The following ZNF365 variants were observed in gnomAD, a reference collection of about 807,000 sequenced individuals.
The protein encoded by ZNF365 is zinc finger protein 365.
A neutral mutation model predicts 35.0 loss-of-function variants in ZNF365; 22 were observed. The ratio of observed to expected loss-of-function variants is 0.63; its 90% CI spans 0.45 to 0.90. ZNF365 has a LOEUF of 0.90. ZNF365 is among the 40% of genes least tolerant of loss of function. The pLI is 0.00. For missense variants in ZNF365, 448 were observed against 500.3 expected (o/e 0.90, Z 1.00); for synonymous variants, 188 against 196.2 (o/e 0.96, Z 0.35).
chr10:62,477,835 C>T lies in ZNF365; in HGVS notation c.982-2041C>T, dbSNP rs142050453. Among the ~76,000 whole-genome samples the T allele has an allele frequency of 4.6e-4, 70 of 152,302 alleles. No homozygotes were observed. The East Asian group carries it at 7.5e-3, about 16-fold the overall frequency. On this transcript the variant is annotated intron_variant, in intron 4 of 4. Coordinates refer to the ZNF365 transcript ENST00000395255. Reference sequence around the variant, plus strand: ...GCAAACATCACTTTCACCCACATTTCATTGGCCAAGGTACGTCACATGGCT... The same window carrying T: ...GCAAACATCACTTTCACCCACATTTTATTGGCCAAGGTACGTCACATGGCT...
rs554205250 is a variant in ZNF365 at position 62,468,607 on chromosome 10, A to G, written c.981+8810A>G. Among the ~76,000 whole-genome samples, 18 of 152,340 alleles carry G rather than the reference A, an allele frequency of 1.2e-4. No homozygotes were observed. In the South Asian group the frequency reaches 3.7e-3, roughly 32 times the overall value. On this transcript the variant is annotated intron_variant, in intron 4 of 4. Coordinates refer to the ZNF365 transcript ENST00000395255. ...GATGCTTTATGAAAAGTTTATGAGG[A>G]CAATGCCCCCCCAGATTAGCAGTTT...
At chr10:62,394,914 T>G (rs1042119769) in intron 3 of ZNF365, among the ~76,000 whole-genome samples, 7 of 152,004 alleles carry the variant, frequency 4.6e-5, no homozygotes, top group African/African-American at 1.7e-4. Flanking sequence ...CTACACTGCT[T>G]TTGTAGTGCA....
Position 62,388,577 on chromosome 10 carries a change from G to A in ZNF365, c.924+1G>A, listed in dbSNP as rs1310129246. ...TGTCCGTGATCTCAGCGGGCACGTGGTGAGTCACCCCGGGCCAGCCACCGA... is the reference window on the plus strand; with the variant it reads ...TGTCCGTGATCTCAGCGGGCACGTGATGAGTCACCCCGGGCCAGCCACCGA... On this transcript the variant is annotated splice_donor_variant, in intron 3 of 4. Transcript: ENST00000395254. LOFTEE classifies it high-confidence loss of function. 1 of 1,613,460 alleles carries A rather than the reference G, an allele frequency of 6.2e-7. No homozygotes were observed. Among genetic ancestry groups the A allele is most frequent in the Non-Finnish European group, 8.5e-7 (1 of 1,179,996 alleles).
Position 62,388,471 on chromosome 10 carries a change from C to T in ZNF365, c.819C>T (p.Asp273=), listed in dbSNP as rs1564569808. 2 of 1,614,208 alleles carry T rather than the reference C, an allele frequency of 1.2e-6. No homozygotes were observed. The highest frequency in any genetic ancestry group is 8.5e-7 in the Non-Finnish European group (1 of 1,180,040). ...TTCAAGGGAAAGCCCGGCTCCAGGA[C>T]TTTATTGAGAATCTGTTACAGCGGG... ...KEVQGKARLQ[D]FIENLLQRVE... Residue 273 remains aspartate (D), a synonymous_variant, in exon 3 of 5, where the codon GAC becomes GAT. Transcript: ENST00000395254.
At chr10:62,461,908 C>CTTTA (rs1402776904) in intron 4 of ZNF365, among the ~76,000 whole-genome samples, 1 of 152,154 alleles carries the variant, frequency 6.6e-6, no homozygotes, top group Non-Finnish European at 1.5e-5. Context: ...AATATAGAGG[C>CTTTA]TTTATATTAA....
chr10:62,428,064 T>C (rs1004610531), intron 3 of ZNF365, among the ~76,000 whole-genome samples: 11 of 152,276 alleles, frequency 7.2e-5, no homozygotes, highest in African/African-American at 2.6e-4. Flanking sequence ...TGTATCATTT[T>C]TTACCTTGCT....
At chr10:62,415,986 A>G (rs891908803) in intron 3 of ZNF365, among the ~76,000 whole-genome samples, 1 of 152,148 alleles carries the variant, frequency 6.6e-6, no homozygotes. Flanking sequence ...TTCCGTGTTT[A>G]TAGTTTTCTT....
intron 3 of ZNF365, among the ~76,000 whole-genome samples, chr10:62,431,887 A>C (rs929852758): frequency 3.3e-5 from 5 of 152,048 alleles, no homozygotes; most frequent in Admixed American, 2.6e-4. Flanking sequence ...TACCCAATGC[A>C]AATAGAAACT....
At chr10:62,446,181 ACCCAGAGTTCCAAGTAGCAAATTCAGGT>A (rs1840585180) in intron 3 of ZNF365, among the ~76,000 whole-genome samples, 1 of 152,154 alleles carries the variant, frequency 6.6e-6, no homozygotes, top group South Asian at 2.1e-4. Context: ...CCAGAAAAGG[ACCCAGAGTTCCAAGTAGCAAATTCAGGT>A]TTCCAGTCCC....
chr10:62,390,075 G>A (rs1839602092), intron 3 of ZNF365, among the ~76,000 whole-genome samples: 1 of 152,130 alleles, frequency 6.6e-6, no homozygotes, highest in Non-Finnish European at 1.5e-5. Flanking sequence ...GTTGGGGCAT[G>A]AGGTTATGGT....
intron 3 of ZNF365, among the ~76,000 whole-genome samples, chr10:62,425,925 A>T (rs907121262): frequency 1.3e-5 from 2 of 152,188 alleles, no homozygotes; most frequent in Non-Finnish European, 2.9e-5. Flanking sequence ...TGAATGAAAA[A>T]ATGAATAAAT....
chr10:62,409,108 A>G, intron 3 of ZNF365, among the ~76,000 whole-genome samples: 1 of 152,092 alleles, frequency 6.6e-6, no homozygotes, highest in East Asian at 1.9e-4. Flanking sequence ...TTTTCCTGAA[A>G]CTGTGACTTA....
chr10:62,376,740 C>T lies in ZNF365; in HGVS notation c.547C>T (p.Leu183Phe). The T allele has an allele frequency of 2.5e-6, 4 of 1,614,186 alleles. No individual in the cohort carries two copies. Among genetic ancestry groups the T allele is most frequent in the Non-Finnish European group, 3.4e-6 (4 of 1,180,040 alleles). ...DRTIEKRIDKLTKELAQKTAE... is the reference protein window; with the variant it reads ...DRTIEKRIDKFTKELAQKTAE... The stretch of plus-strand genomic sequence containing the variant: ...GACCATTGAGAAGAGAATTGATAAA[C>T]TCACCAAAGAGTTGGCCCAGAAAAC... Residue 183 changes from leucine to phenylalanine, a missense_variant, in exon 2 of 5, where the codon CTC becomes TTC. This residue lies in a region of ZNF365 where 362 missense variants were observed against 375.7 expected (regional missense o/e 0.96). Transcript: ENST00000395254.
At chr10:62,388,838 A>ATC (rs1243327435) in intron 3 of ZNF365, among the ~76,000 whole-genome samples, 1 of 152,176 alleles carries the variant, frequency 6.6e-6, no homozygotes, top group Non-Finnish European at 1.5e-5. Flanking sequence ...AAATATATAT[A>ATC]TTTTAAATTT....
chr10:62,401,952 A>G lies in ZNF365; in HGVS notation c.*2163A>G, dbSNP rs1368283325. On this transcript the variant is annotated 3_prime_UTR_variant, in exon 5 of 5. Coordinates refer to ENST00000395254, the MANE Select transcript of ZNF365 (RefSeq NM_014951.3). ...TACGTTCCCACTAAATTTTGACCCCATATAAAGAAATGTGTTATGTATGTT... is the reference window on the plus strand; with the variant it reads ...TACGTTCCCACTAAATTTTGACCCCGTATAAAGAAATGTGTTATGTATGTT... 2.0e-6 allele frequency: 2 copies of G among 985,512 alleles called. No individual in the cohort carries two copies. Among genetic ancestry groups the G allele is most frequent in the East Asian group, 1.1e-4 (1 of 8,952 alleles). The allele number at this position is 985,512 out of a possible 1,614,324, so 61.0% of individuals were successfully genotyped here. A position where few individuals can be genotyped will look rare whatever the true frequency, so the allele number is the denominator to read the frequency against.
chr10:62,448,265 G>C (rs1319078342), intron 3 of ZNF365, among the ~76,000 whole-genome samples: 1 of 152,094 alleles, frequency 6.6e-6, no homozygotes, highest in Non-Finnish European at 1.5e-5. Context: ...CAGAGTTTTG[G>C]CAGTTGTACA....
intron 3 of ZNF365, among the ~76,000 whole-genome samples, chr10:62,451,256 G>C (rs1394751589): frequency 6.6e-6 from 1 of 152,130 alleles, no homozygotes; most frequent in Non-Finnish European, 1.5e-5. Context: ...TGCTTTGGGA[G>C]CTCCATTTTC....
chr10:62,414,367 CTTT>C (rs5785524), intron 3 of ZNF365, among the ~76,000 whole-genome samples: 33 of 149,736 alleles, frequency 2.2e-4, no homozygotes, highest in African/African-American at 7.9e-4. Context: ...CTGACTAATT[CTTT>C]TTTTTTTTTA....
chr10:62,409,730 ACCAGATGGATCTTG>A (rs1839957987), intron 3 of ZNF365, among the ~76,000 whole-genome samples: 1 of 152,152 alleles, frequency 6.6e-6, no homozygotes, highest in Non-Finnish European at 1.5e-5. Flanking sequence ...TTAAGGCCTC[ACCAGATGGATCTTG>A]TCAGAATCAC....
Sources: gnomAD v4.1 joint callset for allele counts (sites outside exome capture counted in the v4.1 genomes callset) on GRCh38, gnomAD v4.1.1 for gene constraint, gnomAD v4.1.1 regional missense constraint, MANE v1.5 for transcripts, NCBI Gene and HGNC (gene_info 2026-07-23, HGNC 2026-07-21) for gene names.